The following GNB4 variants were observed in gnomAD, a reference collection of about 807,000 sequenced individuals.
The protein encoded by GNB4 is guanine nucleotide-binding protein subunit beta-4.
In GNB4, 28 loss-of-function variants were observed where a neutral mutation model predicts 45.2. That is an observed-to-expected ratio of 0.62 (90% CI 0.46 to 0.85). The LOEUF (loss-of-function observed/expected upper bound fraction) is 0.85. Among genes scored for constraint, GNB4 ranks in the 40% least tolerant of loss-of-function variants. The pLI is 0.00. For synonymous variants in GNB4, 132 were observed against 143.7 expected (o/e 0.92, Z 0.58); for missense variants, 321 against 425.4 (o/e 0.75, Z 2.16).
At chr3:179,438,234 G>A (rs1715510519) in intron 1 of GNB4, among the ~76,000 whole-genome samples, 1 of 152,198 alleles carries the variant, frequency 6.6e-6, no homozygotes, top group Non-Finnish European at 1.5e-5. Context: ...TCAGAAGGTA[G>A]GTACCAGTAT....
At chr3:179,411,079 T>A (rs1000392805) in intron 8 of GNB4, among the ~76,000 whole-genome samples, 3 of 152,154 alleles carry the variant, frequency 2.0e-5, no homozygotes, top group African/African-American at 7.2e-5. Context: ...TAGAAATAAC[T>A]GAATCTGGCA....
the GNB4 span, among the ~76,000 whole-genome samples, chr3:179,467,510 A>G: frequency 6.6e-6 from 1 of 152,134 alleles, no homozygotes; most frequent in Admixed American, 6.5e-5. Flanking sequence ...AGAGGCAATT[A>G]CCTGTCCTGG....
At chr3:179,464,760 T>C in the GNB4 span, 4 of 1,257,110 alleles carry the variant, frequency 3.2e-6, no homozygotes, top group Non-Finnish European at 4.7e-6. Context: ...TCCAGACATA[T>C]TGATGAGAGA....
chr3:179,409,147 T>C (rs1385745915), intron 8 of GNB4, among the ~76,000 whole-genome samples: 1 of 148,046 alleles, frequency 6.8e-6, no homozygotes, highest in Admixed American at 6.8e-5. Flanking sequence ...AAAAAAATTA[T>C]GGCTTTAAGT....
the GNB4 span, among the ~76,000 whole-genome samples, chr3:179,492,054 A>T: frequency 6.6e-6 from 1 of 152,248 alleles, no homozygotes; most frequent in Non-Finnish European, 1.5e-5. Context: ...TGTGAAGCAC[A>T]AAGTAGAAAA....
At chr3:179,429,249 A>G (rs535751758) in intron 1 of GNB4, among the ~76,000 whole-genome samples, 5 of 152,252 alleles carry the variant, frequency 3.3e-5, no homozygotes, top group African/African-American at 1.2e-4. Flanking sequence ...TAAAACCCCC[A>G]AGCTCAGTGT....
At chr3:179,510,140 T>C in the GNB4 span, among the ~76,000 whole-genome samples, 1 of 152,014 alleles carries the variant, frequency 6.6e-6, no homozygotes, top group Non-Finnish European at 1.5e-5. Flanking sequence ...TTCTTTTTTT[T>C]TTACAAAAAG....
chr3:179,445,344 G>C (rs149013962), intron 1 of GNB4, among the ~76,000 whole-genome samples: 13 of 152,130 alleles, frequency 8.5e-5, no homozygotes, highest in African/African-American at 3.1e-4. Flanking sequence ...GAGTGCAGTG[G>C]CATGATCATA....
At chr3:179,436,396 A>G (rs1715451082) in intron 1 of GNB4, among the ~76,000 whole-genome samples, 1 of 152,222 alleles carries the variant, frequency 6.6e-6, no homozygotes, top group South Asian at 2.1e-4. Context: ...ATCTCAAAAT[A>G]AAATAAAATG....
the GNB4 span, among the ~76,000 whole-genome samples, chr3:179,499,454 T>A: frequency 6.6e-6 from 1 of 152,106 alleles, no homozygotes; most frequent in Non-Finnish European, 1.5e-5. Flanking sequence ...CCACCACGCC[T>A]GGCCAATGTG....
chr3:179,419,109 G>C (rs940797320), intron 4 of GNB4, among the ~76,000 whole-genome samples: 2 of 152,180 alleles, frequency 1.3e-5, no homozygotes, highest in Admixed American at 1.3e-4. Context: ...TTCATATACA[G>C]TAAAAACGCT....
chr3:179,436,068 G>A (rs1471795258), intron 1 of GNB4, among the ~76,000 whole-genome samples: 3 of 152,184 alleles, frequency 2.0e-5, no homozygotes, highest in Admixed American at 6.5e-5. Context: ...GCTCATATAA[G>A]CCATAAAAAA....
chr3:179,506,142 A>G, the GNB4 span, among the ~76,000 whole-genome samples: 1 of 152,166 alleles, frequency 6.6e-6, no homozygotes, highest in Non-Finnish European at 1.5e-5. Flanking sequence ...TAGGCATTTG[A>G]AACCAGCCTG....
chr3:179,398,470 A>G lies in GNB4; in HGVS notation c.*2743T>C, dbSNP rs1714186524. 1 of 151,990 alleles carries G rather than the reference A, an allele frequency of 6.6e-6. No individual in the cohort carries two copies. The highest frequency in any genetic ancestry group is 1.5e-5 in the Non-Finnish European group (1 of 68,050). The allele number at this position is 151,990 out of a possible 1,614,324, so 9.4% of individuals were successfully genotyped here. A position where few individuals can be genotyped will look rare whatever the true frequency, so the allele number is the denominator to read the frequency against. ...GCAGAGGTTGAGGTTGCAATGAGCC[A>G]AAATCACACCACTGTACACTCCAGC... On this transcript the variant is annotated 3_prime_UTR_variant, in exon 10 of 10. Coordinates refer to ENST00000232564, the MANE Select transcript of GNB4 (RefSeq NM_021629.4).
chr3:179,521,898 A>G, the GNB4 span, among the ~76,000 whole-genome samples: 7 of 151,948 alleles, frequency 4.6e-5, no homozygotes, highest in East Asian at 1.3e-3. Context: ...ACCCCTTACC[A>G]CAAAATCTTC....
At chr3:179,459,605 C>G in the GNB4 span, among the ~76,000 whole-genome samples, 1 of 151,764 alleles carries the variant, frequency 6.6e-6, no homozygotes, top group Non-Finnish European at 1.5e-5. Flanking sequence ...TCGCTTGAAC[C>G]TGGGAGGCAG....
the GNB4 span, among the ~76,000 whole-genome samples, chr3:179,523,948 T>C: frequency 2.0e-5 from 3 of 152,026 alleles, no homozygotes; most frequent in African/African-American, 7.3e-5. Context: ...AAGGAGTGCA[T>C]AAAAGAATGT....
rs1714181447 is a variant in GNB4 at position 179,398,308 on chromosome 3, A to T, written c.*2905T>A. On this transcript the variant is annotated 3_prime_UTR_variant, in exon 10 of 10. Transcript: ENST00000232564. The stretch of plus-strand genomic sequence containing the variant: ...GGCTGGTGGATCACTTGAGGCCAGG[A>T]GTACGAGATCAGACTGGCCAAGATG... The T allele has an allele frequency of 6.6e-6, 1 of 151,838 alleles. No individual in the cohort carries two copies. The highest frequency in any genetic ancestry group is 1.5e-5 in the Non-Finnish European group (1 of 68,040). The allele number at this position is 151,838 out of a possible 1,614,324, so 9.4% of individuals were successfully genotyped here. A position where few individuals can be genotyped will look rare whatever the true frequency, so the allele number is the denominator to read the frequency against.
At chr3:179,461,033 C>T in the GNB4 span, among the ~76,000 whole-genome samples, 1 of 151,972 alleles carries the variant, frequency 6.6e-6, no homozygotes, top group Non-Finnish European at 1.5e-5. Context: ...GTCCAGGGGC[C>T]CCTTCTTTCT....
Sources: gnomAD v4.1 joint callset for allele counts (sites outside exome capture counted in the v4.1 genomes callset) on GRCh38, gnomAD v4.1.1 for gene constraint, MANE v1.5 for transcripts, NCBI Gene and HGNC (gene_info 2026-07-23, HGNC 2026-07-21) for gene names.